SNX13: variants seen among roughly 807,000 people sequenced by gnomAD.
The protein encoded by SNX13 is sorting nexin 13.
In SNX13, 45 loss-of-function variants were observed where a neutral mutation model predicts 133.6. The ratio of observed to expected loss-of-function variants is 0.34; its 90% CI spans 0.27 to 0.43. The LOEUF is 0.43. SNX13 is among the 20% of genes least tolerant of loss of function. The pLI is 1.00. For missense variants in SNX13, 1,032 were observed against 1,145.1 expected (o/e 0.90, Z 1.43); for synonymous variants, 414 against 373.9 (o/e 1.11, Z -1.24).
chr7:17,814,980 T>TA, intron 19 of SNX13, 36 bp from the exon 20 acceptor site: 8 of 1,354,254 alleles, frequency 5.9e-6, no homozygotes, highest in Non-Finnish European at 7.6e-6. Flanking sequence ...GAGATTATCT[T>TA]AAACTGACAG....
In SNX13 at chr7:17,834,117, C is replaced by A; in HGVS notation, c.1532G>T (p.Arg511Leu). The A allele has an allele frequency of 1.3e-6, 2 of 1,591,928 alleles. No individual in the cohort carries two copies. The highest frequency in any genetic ancestry group is 1.7e-6 in the Non-Finnish European group (2 of 1,166,096). ...TAACATGTCAAGCTCAGCTAACATG[C>A]GCACATAAAGTGCATTCTGTCTGAA... is the stretch of plus-strand genomic sequence containing the variant. ...PSFRQNALYVRMLAELDMLKD... is the reference protein window; with the variant it reads ...PSFRQNALYVLMLAELDMLKD... Residue 511 changes from arginine (R) to leucine (L), a missense_variant, in exon 15 of 26, where the codon CGC (arginine) becomes CTC (leucine). Coordinates refer to ENST00000428135, the MANE Select transcript of SNX13 (RefSeq NM_015132.5).
chr7:17,816,174 G>A lies in SNX13; in HGVS notation c.1953+8C>T, dbSNP rs1340923780. The stretch of plus-strand genomic sequence containing the variant: ...AAAATCTGTGGATTATAGTAAACAT[G>A]AGCTTACCTGCAAATATGCATTTAG... On this transcript the variant is annotated splice_region_variant and intron_variant, in intron 19 of 25. Transcript: ENST00000428135. 3 of 1,528,244 alleles carry A rather than the reference G, an allele frequency of 2.0e-6. No individual in the cohort carries two copies. The highest frequency in any genetic ancestry group is 2.6e-6 in the Non-Finnish European group (3 of 1,136,044). The allele number at this position is 1,528,244 out of a possible 1,614,324, so 94.7% of individuals were successfully genotyped here. A position where few individuals can be genotyped will look rare whatever the true frequency, so the allele number is the denominator to read the frequency against.
intron 1 of SNX13, chr7:17,899,807 T>A (rs1396378377): frequency 6.6e-6 from 1 of 152,172 alleles, no homozygotes; most frequent in East Asian, 1.9e-4. Context: ...GTCTGTGGTG[T>A]CTTATTTAGT....
At chr7:17,891,261 G>T (rs947914899) in intron 4 of SNX13, among the ~76,000 whole-genome samples, 1 of 151,870 alleles carries the variant, frequency 6.6e-6, no homozygotes, top group Non-Finnish European at 1.5e-5. Context: ...GTTCATCAAC[G>T]AAAGAGTAAC....
chr7:17,805,242 T>TGTGA (rs1785083391), intron 20 of SNX13, among the ~76,000 whole-genome samples: 1 of 109,430 alleles, frequency 9.1e-6, no homozygotes, highest in African/African-American at 3.1e-5. Context: ...TGTGTGTGTG[T>TGTGA]GTGTGTGTGC....
intron 1 of SNX13, chr7:17,900,210 G>C (rs761610061): frequency 2.6e-5 from 4 of 152,332 alleles, no homozygotes; most frequent in Non-Finnish European, 5.9e-5. Context: ...GGAGAGGGGT[G>C]ACACAAGCAA....
chr7:17,940,142 G>C, intron 1 of SNX13, 142 bp downstream of exon 1: 2 of 1,120,050 alleles, frequency 1.8e-6, no homozygotes, highest in Non-Finnish European at 2.6e-6. Context: ...GAGGGCACTT[G>C]TAGGATCCCC....
At chr7:17,825,974 T>A in intron 17 of SNX13, 48 bp downstream of exon 17, 1 of 1,270,342 alleles carries the variant, frequency 7.9e-7, no homozygotes, top group South Asian at 1.6e-5. Flanking sequence ...TTTAGGGATA[T>A]AATAATACAT....
At chr7:17,915,265 T>A (rs889365518) in intron 1 of SNX13, among the ~76,000 whole-genome samples, 2 of 152,148 alleles carry the variant, frequency 1.3e-5, no homozygotes, top group African/African-American at 4.8e-5. Context: ...CGCCCCTCTA[T>A]GCAGCTGACC....
chr7:17,840,881 C>G (rs1290782519), intron 12 of SNX13, among the ~76,000 whole-genome samples: 2 of 152,090 alleles, frequency 1.3e-5, no homozygotes, highest in Admixed American at 6.6e-5. Flanking sequence ...TAATTTGGAA[C>G]TCTGGAATCT....
At chr7:17,922,009 A>C (rs1386288345) in intron 1 of SNX13, among the ~76,000 whole-genome samples, 1 of 152,230 alleles carries the variant, frequency 6.6e-6, no homozygotes, top group Non-Finnish European at 1.5e-5. Flanking sequence ...ACACTACAAG[A>C]CCACACACCC....
intron 1 of SNX13, among the ~76,000 whole-genome samples, chr7:17,933,398 C>A (rs1801633885): frequency 6.6e-6 from 1 of 152,102 alleles, no homozygotes; most frequent in South Asian, 2.1e-4. Context: ...AAAAAATTAG[C>A]CAGGCGTGCT....
intron 9 of SNX13, 130 bp from the exon 10 acceptor site, chr7:17,851,094 GT>G (rs1791147311): frequency 2.2e-6 from 2 of 914,264 alleles, no homozygotes; most frequent in Non-Finnish European, 3.2e-6. Context: ...AAAGAAAAAA[GT>G]TCTATATTTG....
chr7:17,827,316 C>T (rs1020692123), intron 16 of SNX13, among the ~76,000 whole-genome samples: 1 of 151,948 alleles, frequency 6.6e-6, no homozygotes, highest in African/African-American at 2.4e-5. Flanking sequence ...TTATATCATT[C>T]ACACATTTCA....
At chr7:17,871,069 G>T (rs1044696165) in intron 8 of SNX13, among the ~76,000 whole-genome samples, 1 of 151,306 alleles carries the variant, frequency 6.6e-6, no homozygotes, top group Non-Finnish European at 1.5e-5. Flanking sequence ...GCAGTGGCGC[G>T]ATCTCAGCTC....
At chr7:17,938,146 C>G (rs1034599758) in intron 1 of SNX13, among the ~76,000 whole-genome samples, 27 of 152,190 alleles carry the variant, frequency 1.8e-4, no homozygotes, top group African/African-American at 6.0e-4. Flanking sequence ...GCTTAGAAGC[C>G]TTGTTTAAAA....
intron 9 of SNX13, among the ~76,000 whole-genome samples, chr7:17,863,734 T>A (rs1230300216): frequency 6.6e-6 from 1 of 152,182 alleles, no homozygotes; most frequent in Admixed American, 6.5e-5. Context: ...TCTGCAAGGT[T>A]TGAGGTGCAA....
rs1041884721 is a variant in SNX13 at position 17,790,902 on chromosome 7, A to T, written c.*3143T>A. The stretch of plus-strand genomic sequence containing the variant: ...TAAAGAAAGAAAGTATTGATAGAAC[A>T]GTTAGGCACACAGTTGACACTTACT... On this transcript the variant is annotated 3_prime_UTR_variant, in exon 26 of 26. Transcript: ENST00000428135. 3 of 152,084 alleles carry T rather than the reference A, an allele frequency of 2.0e-5. No homozygotes were observed. The highest frequency in any genetic ancestry group is 4.4e-5 in the Non-Finnish European group (3 of 67,938). 9.4% of individuals were successfully genotyped at this position (152,084 alleles called of 1,614,324 possible). A position where few individuals can be genotyped will look rare whatever the true frequency, so the allele number is the denominator to read the frequency against.
At chr7:17,887,771 A>C (rs1229569722) in intron 5 of SNX13, among the ~76,000 whole-genome samples, 1 of 152,194 alleles carries the variant, frequency 6.6e-6, no homozygotes, top group African/African-American at 2.4e-5. Context: ...GAATAAATAC[A>C]AACACTAGAA....
Sources: allele counts gnomAD v4.1 joint callset (sites outside exome capture counted in the v4.1 genomes callset), GRCh38; gene constraint gnomAD v4.1.1; transcripts MANE v1.5; gene names NCBI Gene and HGNC (gene_info 2026-07-23, HGNC 2026-07-21).